Variants in KCNA6 observed in about 807,000 individuals in gnomAD.
KCNA6 encodes human brain potassium channel-2.
Under a neutral mutation model 29.5 loss-of-function variants are expected in KCNA6, and 17 were observed. The observed-to-expected ratio is 0.58, with a 90% CI of 0.39 to 0.86. The LOEUF (loss-of-function observed/expected upper bound fraction) is 0.86. KCNA6 is among the 40% of genes least tolerant of loss of function. The pLI is 0.00. For missense variants in KCNA6, 450 were observed against 703.4 expected (o/e 0.64, Z 4.07); for synonymous variants, 296 against 304.7 (o/e 0.97, Z 0.30).
In KCNA6 at chr12:4,811,608, A is replaced by C. The variant is rs1314298686; in HGVS notation, c.1567A>C (p.Lys523Gln). The change falls in exon 1 of 1, where the codon AAA becomes CAA. Residue 523 changes from lysine (K) to glutamine (Q), a missense_variant. By Grantham distance (53) the Lys-to-Gln change is moderately conservative (BLOSUM62 1). This residue lies in a region of KCNA6 where 56 missense variants were observed against 65.2 expected (regional missense o/e 0.86). Coordinates refer to ENST00000280684, the Ensembl canonical transcript of KCNA6. This position sits in a 1 kb window ranked among gnomAD's most constrained non-coding sequence, Gnocchi z 7.1. ...TACACCACATCGGGCCTATGCAGAGAAAAGAATGCTCACGGAGGTCTGACC... is the reference window on the plus strand; with the variant it reads ...TACACCACATCGGGCCTATGCAGAGCAAAGAATGCTCACGGAGGTCTGACC... 3 of 1,614,018 alleles carry C rather than the reference A, an allele frequency of 1.9e-6. No individual in the cohort carries two copies. Among genetic ancestry groups the C allele is most frequent in the Non-Finnish European group, 2.5e-6 (3 of 1,179,888 alleles).
the KCNA6 span, among the ~76,000 whole-genome samples, chr12:4,825,078 G>A: frequency 2.6e-5 from 4 of 152,202 alleles, no homozygotes; most frequent in South Asian, 2.1e-4. Flanking sequence ...AGCTACTTGT[G>A]TTTGAGCACC....
chr12:4,835,134 ATTT>A, the KCNA6 span, among the ~76,000 whole-genome samples: 354 of 136,286 alleles, frequency 2.6e-3, 3 homozygotes, highest in East Asian at 0.026. Flanking sequence ...ACAGAGAATG[ATTT>A]TTTTTTTTTT....
At position 4,810,803 on chromosome 12, in the gene KCNA6, T is replaced by G; in HGVS notation, c.762T>G (p.Leu254=). 1.3e-6 allele frequency: 2 copies of G among 1,591,466 alleles called. No individual in the cohort carries two copies. The highest frequency in any genetic ancestry group is 1.7e-6 in the Non-Finnish European group (2 of 1,169,328). ...GGGGCTCCTCCTCACTCAGTACTCTTGGGGGCTCCTTCTTTACAGACCCCT... is the reference window on the plus strand; with the variant it reads ...GGGGCTCCTCCTCACTCAGTACTCTGGGGGGCTCCTTCTTTACAGACCCCT... The change falls in exon 1 of 1, where the codon CTT becomes CTG. Residue 254 remains leucine (L), a synonymous_variant. Coordinates refer to ENST00000280684, the Ensembl canonical transcript of KCNA6. This position sits in a 1 kb window ranked among gnomAD's most constrained non-coding sequence, Gnocchi z 7.5.
the KCNA6 span, among the ~76,000 whole-genome samples, chr12:4,830,291 G>A: frequency 6.6e-6 from 1 of 152,146 alleles, no homozygotes; most frequent in South Asian, 2.1e-4. Context: ...CAGCCCCTTC[G>A]ATGCCATCCT....
the KCNA6 span, among the ~76,000 whole-genome samples, chr12:4,832,850 G>A: frequency 6.6e-6 from 1 of 152,260 alleles, no homozygotes; most frequent in South Asian, 2.1e-4. Context: ...CTCAGCAGAG[G>A]TTACCTTGTG....
the KCNA6 span, among the ~76,000 whole-genome samples, chr12:4,832,132 G>T: frequency 6.6e-6 from 1 of 152,082 alleles, no homozygotes; most frequent in Non-Finnish European, 1.5e-5. Context: ...AGAGAACAGG[G>T]GCCTTTCTTT....
chr12:4,815,565 G>A (rs1946673988), downstream of KCNA6, among the ~76,000 whole-genome samples: 1 of 152,214 alleles, frequency 6.6e-6, no homozygotes, highest in Admixed American at 6.5e-5. Context: ...CAGAGGAACA[G>A]TAGAAATGTC....
the KCNA6 span, among the ~76,000 whole-genome samples, chr12:4,843,073 C>T: frequency 2.0e-5 from 3 of 151,812 alleles, no homozygotes; most frequent in Admixed American, 6.6e-5. Context: ...GACTTCTAGG[C>T]ATTAATAATA....
At chr12:4,827,264 C>T in the KCNA6 span, among the ~76,000 whole-genome samples, 5 of 146,224 alleles carry the variant, frequency 3.4e-5, no homozygotes, top group South Asian at 8.9e-4. Flanking sequence ...TCCTTTCTCT[C>T]GCCCTTCCCT....
At chr12:4,823,885 T>C in the KCNA6 span, among the ~76,000 whole-genome samples, 6 of 152,258 alleles carry the variant, frequency 3.9e-5, no homozygotes, top group South Asian at 8.3e-4. Context: ...CAGCACTGCC[T>C]TTCCCACACC....
rs779223083 is a variant in KCNA6 at position 4,810,926 on chromosome 12, C to T, written c.885C>T (p.Ile295=). The stretch of plus-strand genomic sequence containing the variant: ...GCAAGCCGGCCTTCTTCCGGAACAT[C>T]ATGAACATCATTGACTTGGTGGCTA... The change falls in exon 1 of 1, where the codon ATC becomes ATT. Residue 295 remains isoleucine, a synonymous_variant. Transcript: ENST00000280684. The surrounding 1 kb of genome is among the most constrained non-coding windows in gnomAD (Gnocchi z 7.5). 6.2e-7 allele frequency: 1 copy of T among 1,614,242 alleles called. No individual in the cohort carries two copies. Among genetic ancestry groups the T allele is most frequent in the South Asian group, 1.1e-5 (1 of 91,082 alleles).
At chr12:4,826,947 A>G in the KCNA6 span, among the ~76,000 whole-genome samples, 2 of 152,188 alleles carry the variant, frequency 1.3e-5, no homozygotes, top group Non-Finnish European at 2.9e-5. Flanking sequence ...AATAGTTTTT[A>G]TCTACTGTCA....
the KCNA6 span, among the ~76,000 whole-genome samples, chr12:4,820,554 C>CACACACACAA: frequency 4.1e-5 from 6 of 145,420 alleles, no homozygotes; most frequent in African/African-American, 1.3e-4. Context: ...TAAACACACA[C>CACACACACAA]ACACACACAC....
the KCNA6 span, among the ~76,000 whole-genome samples, chr12:4,837,472 G>A: frequency 6.6e-6 from 1 of 152,116 alleles, no homozygotes; most frequent in Non-Finnish European, 1.5e-5. Context: ...TGGAAGTTGG[G>A]GGCAGTCTTG....
At chr12:4,821,773 C>T in the KCNA6 span, among the ~76,000 whole-genome samples, 2 of 152,226 alleles carry the variant, frequency 1.3e-5, no homozygotes, top group East Asian at 3.8e-4. Flanking sequence ...TGCAGAAGGA[C>T]GTGGGTTCTC....
chr12:4,835,151 T>C, the KCNA6 span, among the ~76,000 whole-genome samples: 1 of 144,596 alleles, frequency 6.9e-6, no homozygotes, highest in Non-Finnish European at 1.5e-5. Flanking sequence ...TTTTTTTTTT[T>C]TGAGACAGAG....
chr12:4,820,862 ACTGATTAAG>A, the KCNA6 span, among the ~76,000 whole-genome samples: 3 of 152,084 alleles, frequency 2.0e-5, no homozygotes, highest in Admixed American at 1.3e-4. Context: ...TTCTAATCTC[ACTGATTAAG>A]GGATTCTTTA....
chr12:4,843,894 C>A, the KCNA6 span, among the ~76,000 whole-genome samples: 2 of 152,150 alleles, frequency 1.3e-5, no homozygotes, highest in Admixed American at 6.5e-5. Context: ...CAGGACCTAC[C>A]TCTAATATTG....
downstream of KCNA6, among the ~76,000 whole-genome samples, chr12:4,817,157 C>T (rs1368139462): frequency 6.6e-6 from 1 of 152,226 alleles, no homozygotes; most frequent in Non-Finnish European, 1.5e-5. Context: ...TCCTCCAATC[C>T]TACCTTGTCA....
Sources: allele counts gnomAD v4.1 joint callset (sites outside exome capture counted in the v4.1 genomes callset), GRCh38; gene constraint gnomAD v4.1.1; regional missense constraint gnomAD v4.1.1; non-coding constraint Gnocchi (gnomAD v3.1); transcripts MANE v1.5; gene names NCBI Gene and HGNC (gene_info 2026-07-23, HGNC 2026-07-21).